Variants in OR10A6 observed in about 807,000 individuals in gnomAD.
OR10A6 encodes olfactory receptor family 10 subfamily A member 6 (gene/pseudogene).
A neutral mutation model predicts 1.5 loss-of-function variants in OR10A6; 2 were observed. That is an observed-to-expected ratio of 1.31 (90% confidence interval 0.54 to 4.13). OR10A6 has a LOEUF of 4.13. Ranked by LOEUF, OR10A6 falls within the 30% of genes most tolerant of loss-of-function variation. OR10A6 has a pLI of 0.07. For synonymous variants in OR10A6, 169 were observed against 137.3 expected (o/e 1.23, Z -1.61); for missense variants, 492 against 368.6 (o/e 1.33, Z -2.74).
chr11:7,929,755 T>TATGTATATATATACAC lies in OR10A6; in HGVS notation c.-1094_-1093insGTGTATATATATACAT, dbSNP rs55811645. On this transcript the variant is annotated 5_prime_UTR_variant, in exon 4 of 4. An upstream open reading frame in the 5' UTR loses its in-frame stop. Coordinates refer to ENST00000641238, the MANE Select transcript of OR10A6 (RefSeq NM_001004461.2). The stretch of plus-strand genomic sequence containing the variant: ...ATATATATATATATATATATATATA[T>TATGTATATATATACAC]ACACACACATGCACACATATATATA... 2.1e-5 allele frequency: 2 copies of TATGTATATATATACAC among 97,274 alleles called. No individual in the cohort carries two copies. Among genetic ancestry groups the TATGTATATATATACAC allele is most frequent in the African/African-American group, 7.1e-5 (2 of 28,016 alleles). The allele number at this position is 97,274 out of a possible 1,614,324, so 6.0% of individuals were successfully genotyped here.
chr11:7,927,600 A>G lies in OR10A6; in HGVS notation c.*118T>C. ...CCTGATATACAATCAAACTTGGAGA[A>G]CACAATAAATTAGTCATACTCATGC... On this transcript the variant is annotated 3_prime_UTR_variant, in exon 4 of 4. Coordinates refer to ENST00000641238, the MANE Select transcript of OR10A6 (RefSeq NM_001004461.2). The G allele has an allele frequency of 1.6e-6, 1 of 641,324 alleles. No homozygotes were observed. Among genetic ancestry groups the G allele is most frequent in the Non-Finnish European group, 2.7e-6 (1 of 374,534 alleles). 39.7% of individuals were successfully genotyped at this position (641,324 alleles called of 1,614,324 possible).
At position 7,928,436 on chromosome 11, in the gene OR10A6, A is replaced by T; in HGVS notation, c.227T>A (p.Val76Asp). ...LSVVDLSFSA[V>D]IMPEMLVVLS... is the part of the protein sequence containing the mutation. ...GACCACCAGCATTTCAGGCATAATAACTGCACTGAAACTCAGGTCCACCAC... is the reference window on the plus strand; with the variant it reads ...GACCACCAGCATTTCAGGCATAATATCTGCACTGAAACTCAGGTCCACCAC... Residue 76 changes from valine to aspartate, a missense_variant, in exon 4 of 4, where the codon GTT becomes GAT. Val to Asp is a radical substitution (Grantham distance 152, BLOSUM62 -3). Transcript: ENST00000641238. The T allele has an allele frequency of 6.2e-7, 1 of 1,613,446 alleles. No individual in the cohort carries two copies. The highest frequency in any genetic ancestry group is 8.5e-7 in the Non-Finnish European group (1 of 1,179,528).
In OR10A6 at chr11:7,925,045, T is replaced by G. The variant is rs1014397113; in HGVS notation, c.*2673A>C. The G allele has an allele frequency of 7.5e-5, 11 of 145,754 alleles. No individual in the cohort carries two copies. Among genetic ancestry groups the G allele is most frequent in the Admixed American group, 4.1e-4 (6 of 14,662 alleles). 9.0% of individuals were successfully genotyped at this position (145,754 alleles called of 1,614,324 possible). ...TACATTACTGCCCTTAAGAAACTTGTTTTTTTTTTCTACTTAAAGAACAAA... is the reference window on the plus strand; with the variant it reads ...TACATTACTGCCCTTAAGAAACTTGGTTTTTTTTTCTACTTAAAGAACAAA... On this transcript the variant is annotated 3_prime_UTR_variant, in exon 4 of 4. Transcript: ENST00000641238.
chr11:7,928,633 A>T lies in OR10A6; in HGVS notation c.30T>A (p.Val10=), dbSNP rs759866533. The T allele has an allele frequency of 4.9e-5, 79 of 1,606,340 alleles. No homozygotes were observed. The highest frequency in any genetic ancestry group is 6.7e-5 in the Non-Finnish European group (79 of 1,177,620). The change falls in exon 4 of 4, where the codon GTT becomes GTA. Residue 10 remains valine, a synonymous_variant. Transcript: ENST00000641238. Reference sequence around the variant, plus strand: ...TAGAAAAGCCCAAGAGGATGAATTCAACCACACAGCTTTGATTTTGTCTTT... The same window carrying T: ...TAGAAAAGCCCAAGAGGATGAATTCTACCACACAGCTTTGATTTTGTCTTT... MERQNQSCV[V]EFILLGFSNY...
rs1014597382 is a variant in OR10A6, at chr11:7,925,451, A to G, written c.*2267T>C. 4.6e-5 allele frequency: 7 copies of G among 152,166 alleles called. No homozygotes were observed. The highest frequency in any genetic ancestry group is 3.9e-4 in the East Asian group (2 of 5,188). The allele number at this position is 152,166 out of a possible 1,614,324, so 9.4% of individuals were successfully genotyped here. ...CCAGGCTTTATTTATCACAAAGGCA[A>G]TGAAAGAGGAAAGCGTCAAATATAG... On this transcript the variant is annotated 3_prime_UTR_variant, in exon 4 of 4. Transcript: ENST00000641238.
chr11:7,928,313 G>T lies in OR10A6; in HGVS notation c.350C>A (p.Ala117Glu). Reference sequence around the variant, plus strand: ...TGCAGCAAATCGGTCATAAGCCATTGCTCCCAGAAGAAAACATTCAGCCCC... The same window carrying T: ...TGCAGCAAATCGGTCATAAGCCATTTCTCCCAGAAGAAAACATTCAGCCCC... The part of the protein sequence containing the change: ...FGGAECFLLG[A>E]MAYDRFAAIC... Residue 117 changes from alanine (A) to glutamate (E), a missense_variant, in exon 4 of 4, where the codon GCA (alanine) becomes GAA (glutamate). Coordinates refer to ENST00000641238, the MANE Select transcript of OR10A6 (RefSeq NM_001004461.2). 1.2e-6 allele frequency: 2 copies of T among 1,613,574 alleles called. No homozygotes were observed. The highest frequency in any genetic ancestry group is 8.5e-7 in the Non-Finnish European group (1 of 1,179,788).
At position 7,924,820 on chromosome 11, in the gene OR10A6, A is replaced by G. The variant is rs1324846739; in HGVS notation, c.*2898T>C. On this transcript the variant is annotated 3_prime_UTR_variant, in exon 4 of 4. Coordinates refer to ENST00000641238, the MANE Select transcript of OR10A6 (RefSeq NM_001004461.2). ...ACTCTCATTGCAAGATAGCTGCACTATCTCTAGCCTCATGGCTTGTTTCAG... is the reference window on the plus strand; with the variant it reads ...ACTCTCATTGCAAGATAGCTGCACTGTCTCTAGCCTCATGGCTTGTTTCAG... 2 of 152,172 alleles carry G rather than the reference A, an allele frequency of 1.3e-5. No homozygotes were observed. Among genetic ancestry groups the G allele is most frequent in the Non-Finnish European group, 2.9e-5 (2 of 68,034 alleles). The allele number at this position is 152,172 out of a possible 1,614,324, so 9.4% of individuals were successfully genotyped here. A position where few individuals can be genotyped will look rare whatever the true frequency, so the allele number is the denominator to read the frequency against.
rs57836826 is a variant in OR10A6, at chr11:7,929,995, A to ATAT, written c.-1334_-1333insATA. The ATAT allele has an allele frequency of 3.3e-4, 21 of 63,126 alleles. No individual in the cohort carries two copies. The East Asian group carries it at 3.5e-3, about 10-fold the overall frequency. 3.9% of individuals were successfully genotyped at this position (63,126 alleles called of 1,614,324 possible). A position where few individuals can be genotyped will look rare whatever the true frequency, so the allele number is the denominator to read the frequency against. ...ATATATATATATATATATATATATA[A>ATAT]AATCCCTCACTAGAGCTTAGCTCCC... On this transcript the variant is annotated 5_prime_UTR_variant, in exon 4 of 4. Coordinates refer to ENST00000641238, the MANE Select transcript of OR10A6 (RefSeq NM_001004461.2).
At position 7,926,167 on chromosome 11, in the gene OR10A6, C is replaced by G. The variant is rs1345219778; in HGVS notation, c.*1551G>C. On this transcript the variant is annotated 3_prime_UTR_variant, in exon 4 of 4. Coordinates refer to ENST00000641238, the MANE Select transcript of OR10A6 (RefSeq NM_001004461.2). ...AGTCCCTAAAAGGTCCTGGACCCAG[C>G]CACCATGGTGGGGCTTTCCTGCCTT... The G allele has an allele frequency of 6.6e-6, 1 of 152,360 alleles. No homozygotes were observed. The highest frequency in any genetic ancestry group is 6.5e-5 in the Admixed American group (1 of 15,282). 9.4% of individuals were successfully genotyped at this position (152,360 alleles called of 1,614,324 possible).
rs1343459497 is a variant in OR10A6, at chr11:7,924,915, A to G, written c.*2803T>C. 1 of 152,208 alleles carries G rather than the reference A, an allele frequency of 6.6e-6. No homozygotes were observed. Among genetic ancestry groups the G allele is most frequent in the African/African-American group, 2.4e-5 (1 of 41,456 alleles). The allele number at this position is 152,208 out of a possible 1,614,324, so 9.4% of individuals were successfully genotyped here. A position where few individuals can be genotyped will look rare whatever the true frequency, so the allele number is the denominator to read the frequency against. On this transcript the variant is annotated 3_prime_UTR_variant, in exon 4 of 4. Transcript: ENST00000641238. The stretch of plus-strand genomic sequence containing the variant: ...TAAGTCACATTTTTAAAGAGTTTTC[A>G]TAGACACCCTACTCAAGGATGTCCA...
In OR10A6 at chr11:7,925,997, CTGAT is replaced by C. The variant is rs751325170; in HGVS notation, c.*1717_*1720del. On this transcript the variant is annotated 3_prime_UTR_variant, in exon 4 of 4. Coordinates refer to ENST00000641238, the MANE Select transcript of OR10A6 (RefSeq NM_001004461.2). ...ATCTTCCCATTTCACATACTTTCCTCTGATTGTTCCCCGCTCTTCACCTATTTTA... is the reference window on the plus strand; with the variant it reads ...ATCTTCCCATTTCACATACTTTCCTCTGTTCCCCGCTCTTCACCTATTTTA... 6 of 152,352 alleles carry C rather than the reference CTGAT, an allele frequency of 3.9e-5. No homozygotes were observed. Among genetic ancestry groups the C allele is most frequent in the Non-Finnish European group, 8.8e-5 (6 of 68,042 alleles). 9.4% of individuals were successfully genotyped at this position (152,352 alleles called of 1,614,324 possible). A position where few individuals can be genotyped will look rare whatever the true frequency, so the allele number is the denominator to read the frequency against.
rs559857544 is a variant in OR10A6, at chr11:7,924,661, T to C, written c.*3057A>G. 6.8e-4 allele frequency: 104 copies of C among 152,176 alleles called. No homozygotes were observed. Among genetic ancestry groups the C allele is most frequent in the African/African-American group, 2.2e-3 (91 of 41,530 alleles). 9.4% of individuals were successfully genotyped at this position (152,176 alleles called of 1,614,324 possible). On this transcript the variant is annotated 3_prime_UTR_variant, in exon 4 of 4. Transcript: ENST00000641238. ...ATTAAACAAAGACAAGGTTTATTTC[T>C]CTGAAGTAACAGTCAGTAAACAAAT...
At position 7,925,774 on chromosome 11, in the gene OR10A6, G is replaced by T. The variant is rs1362480639; in HGVS notation, c.*1944C>A. ...ATCAAGAGATGGGATCCAATCAAAGGCTTTTGCTGAGGGCTGTTTGGTGCC... is the reference window on the plus strand; with the variant it reads ...ATCAAGAGATGGGATCCAATCAAAGTCTTTTGCTGAGGGCTGTTTGGTGCC... On this transcript the variant is annotated 3_prime_UTR_variant, in exon 4 of 4. Coordinates refer to ENST00000641238, the MANE Select transcript of OR10A6 (RefSeq NM_001004461.2). 6.6e-6 allele frequency: 1 copy of T among 152,176 alleles called. No individual in the cohort carries two copies. The allele number at this position is 152,176 out of a possible 1,614,324, so 9.4% of individuals were successfully genotyped here. A position where few individuals can be genotyped will look rare whatever the true frequency, so the allele number is the denominator to read the frequency against.
Position 7,926,522 on chromosome 11 carries a change from C to T in OR10A6, c.*1196G>A, listed in dbSNP as rs982067786. On this transcript the variant is annotated 3_prime_UTR_variant, in exon 4 of 4. Transcript: ENST00000641238. ...AATTCAAATAGATTTGCAACTTCAC[C>T]TTTATTTTTGGCAGAAGGAGTAGTG... The T allele has an allele frequency of 3.3e-5, 5 of 152,066 alleles. No homozygotes were observed. Among genetic ancestry groups the T allele is most frequent in the Admixed American group, 6.6e-5 (1 of 15,266 alleles). The allele number at this position is 152,066 out of a possible 1,614,324, so 9.4% of individuals were successfully genotyped here. A position where few individuals can be genotyped will look rare whatever the true frequency, so the allele number is the denominator to read the frequency against.
chr11:7,929,962 G>GTGTATATATATATATA lies in OR10A6; in HGVS notation c.-1301_-1300insTATATATATATATACA, dbSNP rs1433020713. The GTGTATATATATATATA allele has an allele frequency of 1.9e-3, 46 of 24,794 alleles. 1 individual carries two copies. The highest frequency in any genetic ancestry group is 5.9e-3 in the African/African-American group (34 of 5,744). 1.5% of individuals were successfully genotyped at this position (24,794 alleles called of 1,614,324 possible). A position where few individuals can be genotyped will look rare whatever the true frequency, so the allele number is the denominator to read the frequency against. ...AAGCTCTAGTAAGGTATGTGTATGT[G>GTGTATATATATATATA]TATGTATATATATATATATATATAT... On this transcript the variant is annotated 5_prime_UTR_variant, in exon 4 of 4. Coordinates refer to ENST00000641238, the MANE Select transcript of OR10A6 (RefSeq NM_001004461.2).
rs1360773124 is a variant in OR10A6 at position 7,924,862 on chromosome 11, G to C, written c.*2856C>G. The C allele has an allele frequency of 6.6e-6, 1 of 152,064 alleles. No homozygotes were observed. Among genetic ancestry groups the C allele is most frequent in the Non-Finnish European group, 1.5e-5 (1 of 68,034 alleles). The allele number at this position is 152,064 out of a possible 1,614,324, so 9.4% of individuals were successfully genotyped here. A position where few individuals can be genotyped will look rare whatever the true frequency, so the allele number is the denominator to read the frequency against. On this transcript the variant is annotated 3_prime_UTR_variant, in exon 4 of 4. Coordinates refer to ENST00000641238, the MANE Select transcript of OR10A6 (RefSeq NM_001004461.2). ...TTGTTTCAGGTAGAAGGAAGGAGGA[G>C]GTTGAAGAGCAAAAAGTCCTTATTA...
Position 7,929,890 on chromosome 11 carries a change from T to C in OR10A6, c.-1228A>G. 7.1e-6 allele frequency: 1 copy of C among 141,778 alleles called. No homozygotes were observed. The highest frequency in any genetic ancestry group is 2.1e-4 in the East Asian group (1 of 4,820). The allele number at this position is 141,778 out of a possible 1,614,324, so 8.8% of individuals were successfully genotyped here. ...ATGTGTAAAATATATTTTAAATATTTATATAAATATAAACAGATTAATATT... is the reference window on the plus strand; with the variant it reads ...ATGTGTAAAATATATTTTAAATATTCATATAAATATAAACAGATTAATATT... On this transcript the variant is annotated 5_prime_UTR_variant, in exon 4 of 4. It adds an upstream start codon to the 5' untranslated region. Coordinates refer to ENST00000641238, the MANE Select transcript of OR10A6 (RefSeq NM_001004461.2).
In OR10A6 at chr11:7,924,632, C is replaced by T. The variant is rs1386737814; in HGVS notation, c.*3086G>A. ...GCTGTAACAGAAAACCTAGCAAATA[C>T]TGGATTAAACAAAGACAAGGTTTAT... On this transcript the variant is annotated 3_prime_UTR_variant, in exon 4 of 4. Transcript: ENST00000641238. 1 of 150,498 alleles carries T rather than the reference C, an allele frequency of 6.6e-6. No homozygotes were observed. The highest frequency in any genetic ancestry group is 2.4e-5 in the African/African-American group (1 of 40,854). 9.3% of individuals were successfully genotyped at this position (150,498 alleles called of 1,614,324 possible). A position where few individuals can be genotyped will look rare whatever the true frequency, so the allele number is the denominator to read the frequency against.
In OR10A6 at chr11:7,929,909, T is replaced by A. The variant is rs1489454084; in HGVS notation, c.-1247A>T. The A allele has an allele frequency of 1.5e-5, 2 of 133,278 alleles. No individual in the cohort carries two copies. The highest frequency in any genetic ancestry group is 2.8e-5 in the African/African-American group (1 of 35,846). 8.3% of individuals were successfully genotyped at this position (133,278 alleles called of 1,614,324 possible). On this transcript the variant is annotated 5_prime_UTR_variant, in exon 4 of 4. Coordinates refer to ENST00000641238, the MANE Select transcript of OR10A6 (RefSeq NM_001004461.2). The stretch of plus-strand genomic sequence containing the variant: ...AATATTTATATAAATATAAACAGAT[T>A]AATATTTTATATATATTATATATAT...
Sources: allele counts gnomAD v4.1 joint callset, GRCh38; gene constraint gnomAD v4.1.1; transcripts MANE v1.5; gene names NCBI Gene and HGNC (gene_info 2026-07-23, HGNC 2026-07-21).